The following DOCK1 variants were observed in gnomAD, a reference collection of about 807,000 sequenced individuals.
The protein encoded by DOCK1 is dedicator of cytokinesis protein 1.
In DOCK1, 138 loss-of-function variants were observed where a neutral mutation model predicts 262.7. The ratio of observed to expected loss-of-function variants is 0.53; its 90% CI spans 0.46 to 0.61. The LOEUF is 0.61. Ranked by LOEUF, DOCK1 falls within the 20% of genes least tolerant of loss-of-function variation. DOCK1 has a pLI of 0.00. For missense variants in DOCK1, 1,908 were observed against 2,370.7 expected (o/e 0.80, Z 4.05); for synonymous variants, 866 against 867.4 (o/e 1.00, Z 0.03).
intron 25 of DOCK1, among the ~76,000 whole-genome samples, chr10:127,121,504 T>G (rs1466113539): frequency 6.6e-6 from 1 of 150,674 alleles, no homozygotes; most frequent in Non-Finnish European, 1.5e-5. Context: ...TGTCCATCTG[T>G]CTGTTTTTGT....
chr10:127,414,787 T>G (rs1467365439), intron 43 of DOCK1, among the ~76,000 whole-genome samples: 1 of 152,266 alleles, frequency 6.6e-6, no homozygotes, highest in Non-Finnish European at 1.5e-5. Flanking sequence ...CTGTAGCTAA[T>G]GTAAGACTTC....
intron 49 of DOCK1, among the ~76,000 whole-genome samples, chr10:127,443,641 C>T (rs2070337343): frequency 6.6e-6 from 1 of 152,120 alleles, no homozygotes; most frequent in South Asian, 2.1e-4. Context: ...ATTACCGCCA[C>T]CCCAAGAAGG....
chr10:127,261,619 ATC>A (rs1424273007), intron 29 of DOCK1, among the ~76,000 whole-genome samples: 4 of 61,134 alleles, frequency 6.5e-5, no homozygotes, highest in Admixed American at 1.9e-4. Context: ...ACCCGTGCTC[ATC>A]TGTGTGTGTG....
At chr10:127,442,148 G>T (rs560222040) in intron 49 of DOCK1, among the ~76,000 whole-genome samples, 1 of 152,256 alleles carries the variant, frequency 6.6e-6, no homozygotes, top group African/African-American at 2.4e-5. Context: ...AAATAGACCT[G>T]TTGGCCTGGC....
intron 18 of DOCK1, among the ~76,000 whole-genome samples, chr10:127,036,818 A>C (rs2043652720): frequency 6.6e-6 from 1 of 151,874 alleles, no homozygotes; most frequent in Admixed American, 6.6e-5. Flanking sequence ...CACTAAAACT[A>C]CAAAAAAAAT....
At chr10:127,338,118 G>T (rs1461724735) in intron 29 of DOCK1, among the ~76,000 whole-genome samples, 3 of 152,160 alleles carry the variant, frequency 2.0e-5, no homozygotes, top group African/African-American at 4.8e-5. Context: ...GCTGCTCCTT[G>T]CTGTCTAAAT....
intron 31 of DOCK1, among the ~76,000 whole-genome samples, chr10:127,347,570 T>C (rs2063690894): frequency 6.6e-6 from 1 of 151,936 alleles, no homozygotes; most frequent in Admixed American, 6.6e-5. Flanking sequence ...GGGAGCAGCT[T>C]GGAGCTTGGG....
intron 1 of DOCK1, among the ~76,000 whole-genome samples, chr10:126,921,005 T>G (rs1166014721): frequency 6.6e-6 from 1 of 152,132 alleles, no homozygotes; most frequent in Non-Finnish European, 1.5e-5. Flanking sequence ...GAGACTAGCC[T>G]GGGCAACATG....
At chr10:127,048,067 T>C (rs2044463776) in intron 21 of DOCK1, among the ~76,000 whole-genome samples, 1 of 152,174 alleles carries the variant, frequency 6.6e-6, no homozygotes, top group South Asian at 2.1e-4. Flanking sequence ...ACGTGTATAG[T>C]TTTCTTTGTA....
intron 23 of DOCK1, among the ~76,000 whole-genome samples, chr10:127,070,259 T>TTTC (rs2046143855): frequency 1.4e-5 from 2 of 140,670 alleles, no homozygotes; most frequent in Admixed American, 1.4e-4. Flanking sequence ...CCTTTTTTTT[T>TTTC]TTTTTTTTTT....
At chr10:127,354,163 C>T (rs767025787) in intron 31 of DOCK1, among the ~76,000 whole-genome samples, 1 of 152,072 alleles carries the variant, frequency 6.6e-6, no homozygotes. Context: ...TAAACAAAAA[C>T]AGTGGAAGAT....
At chr10:127,348,249 A>C (rs989638772) in intron 31 of DOCK1, among the ~76,000 whole-genome samples, 31 of 152,050 alleles carry the variant, frequency 2.0e-4, no homozygotes, top group African/African-American at 7.5e-4. Context: ...GGAAGGACAG[A>C]GATGTCAACA....
At chr10:126,912,116 TCCTCATTTCCTCTTCTTACAAGGC>T (rs2031857666) in intron 1 of DOCK1, among the ~76,000 whole-genome samples, 2 of 152,136 alleles carry the variant, frequency 1.3e-5, no homozygotes. Context: ...TGTGTCAGTG[TCCTCATTTCCTCTTCTTACAAGGC>T]CACTATGGCC....
chr10:127,102,839 CA>C (rs960801669), intron 23 of DOCK1, among the ~76,000 whole-genome samples: 10 of 149,736 alleles, frequency 6.7e-5, no homozygotes, highest in East Asian at 3.9e-4. Context: ...AACTCAGTCT[CA>C]AAAAAAAAGG....
At position 127,439,049 on chromosome 10, in the gene DOCK1, C is replaced by T. The variant is rs575108104; in HGVS notation, c.5083C>T (p.Pro1695Ser). 2.6e-6 allele frequency: 4 copies of T among 1,552,632 alleles called. No individual in the cohort carries two copies. The South Asian group carries it at 4.8e-5, about 18-fold the overall frequency. The change falls in exon 49 of 52, where the codon CCA becomes TCA. Residue 1695 changes from proline to serine, a missense_variant. Pro to Ser is a moderately conservative substitution (Grantham distance 74). Transcript: ENST00000623213. ...TAGGTTTGCCCTGGAGCCTCTCCTG[C>T]CAAAGAAAATGCACTCCAGGTCCCA... ...SDGFALEPLL[P>S]KKMHSRSQDK... is the part of the protein sequence containing the mutation.
chr10:127,256,099 C>T lies in DOCK1; in HGVS notation c.2950-1236C>T, dbSNP rs2059818296. On this transcript the variant is annotated intron_variant, in intron 28 of 51. Transcript: ENST00000623213. ...TCACTAATGTCTCCTAGACTGGAGG[C>T]ATCTGCTCTAATAGAGTGATCAGGA... 2.0e-5 allele frequency among the ~76,000 whole-genome samples: 3 copies of T among 152,262 alleles called. No individual in the cohort carries two copies. The South Asian group carries it at 6.2e-4, about 32-fold the overall frequency.
intron 7 of DOCK1, among the ~76,000 whole-genome samples, 185 bp downstream of exon 7, chr10:126,997,068 GA>G (rs2040252441): frequency 1.3e-5 from 2 of 151,778 alleles, no homozygotes; most frequent in African/African-American, 4.9e-5. Context: ...CCCATGACAT[GA>G]AAGGGGGTCG....
chr10:126,968,479 T>C (rs1365683447), intron 1 of DOCK1, among the ~76,000 whole-genome samples: 4 of 152,180 alleles, frequency 2.6e-5, no homozygotes, highest in Non-Finnish European at 5.9e-5. Flanking sequence ...TCCATATCCA[T>C]GTATGAGATT....
intron 1 of DOCK1, among the ~76,000 whole-genome samples, chr10:126,919,186 C>G (rs540440581): frequency 2.4e-4 from 37 of 152,316 alleles, no homozygotes; most frequent in African/African-American, 8.9e-4. Context: ...CCTTCCTAAA[C>G]GCAGGAACTC....
Sources: allele counts gnomAD v4.1 joint callset (sites outside exome capture counted in the v4.1 genomes callset), GRCh38; gene constraint gnomAD v4.1.1; transcripts MANE v1.5; gene names NCBI Gene and HGNC (gene_info 2026-07-23, HGNC 2026-07-21).